IL6R: variants seen among roughly 807,000 people sequenced by gnomAD.
The protein encoded by IL6R is interleukin 6 receptor, also known as interleukin-6 receptor subunit alpha.
IL6R carries 38 observed loss-of-function variants against 48.3 expected under a neutral mutation model. That is an observed-to-expected ratio of 0.79 (90% CI 0.61 to 1.03). The LOEUF (loss-of-function observed/expected upper bound fraction) is 1.03. Ranked by LOEUF, IL6R falls within the 50% of genes least tolerant of loss-of-function variation. IL6R has a pLI of 0.00. For synonymous variants in IL6R, 264 were observed against 256.2 expected (o/e 1.03, Z -0.29); for missense variants, 534 against 618.3 (o/e 0.86, Z 1.45).
intron 6 of IL6R, among the ~76,000 whole-genome samples, chr1:154,438,248 C>T (rs1273134037): frequency 6.6e-6 from 1 of 151,094 alleles, no homozygotes; most frequent in East Asian, 1.9e-4. Flanking sequence ...GAGACATTAT[C>T]TATCAACACC....
chr1:154,424,279 C>T (rs564261936), intron 1 of IL6R, among the ~76,000 whole-genome samples: 103 of 152,318 alleles, frequency 6.8e-4, no homozygotes, highest in Non-Finnish European at 4.1e-4. Context: ...TGATGAGTGA[C>T]GACCAGGAGC....
rs1558323471 is a variant in IL6R at position 154,447,462 on chromosome 1, T to TAC, written c.950-662_950-661insCA. Among the ~76,000 whole-genome samples, 201 of 88,264 alleles carry TAC rather than the reference T, an allele frequency of 2.3e-3. 10 individuals carry two copies. Among genetic ancestry groups the TAC allele is most frequent in the African/African-American group, 0.012 (189 of 16,390 alleles). 57.9% of individuals were successfully genotyped at this position (88,264 alleles called of 152,430 possible). On this transcript the variant is annotated intron_variant, in intron 6 of 9. Coordinates refer to ENST00000368485, the MANE Select transcript of IL6R (RefSeq NM_000565.4). The stretch of plus-strand genomic sequence containing the variant: ...TCAAAAAAAAAAAAAAAAATATATA[T>TAC]ATATATATATATATACACACACACA...
chr1:154,456,454 G>A (rs567338403), intron 9 of IL6R, among the ~76,000 whole-genome samples: 4 of 152,166 alleles, frequency 2.6e-5, no homozygotes, highest in African/African-American at 7.2e-5. Flanking sequence ...TGATCCGCCC[G>A]CCTCCGCCTC....
At position 154,451,632 on chromosome 1, in the gene IL6R, C is replaced by T. The variant is rs544675163; in HGVS notation, c.1066+1652C>T. 7.2e-5 allele frequency among the ~76,000 whole-genome samples: 11 copies of T among 152,004 alleles called. No individual in the cohort carries two copies. The East Asian group carries it at 1.4e-3, about 19-fold the overall frequency. ...TTTTCTTTTTTTTGAGACGGAGTCTCGTCAAGCGATTCTCCTGCCTCAGCC... is the reference window on the plus strand; with the variant it reads ...TTTTCTTTTTTTTGAGACGGAGTCTTGTCAAGCGATTCTCCTGCCTCAGCC... On this transcript the variant is annotated intron_variant, in intron 8 of 9. Coordinates refer to ENST00000368485, the MANE Select transcript of IL6R (RefSeq NM_000565.4).
At chr1:154,442,583 C>G (rs970700594) in intron 6 of IL6R, among the ~76,000 whole-genome samples, 2 of 152,188 alleles carry the variant, frequency 1.3e-5, no homozygotes, top group Non-Finnish European at 2.9e-5. Context: ...GGGCCTGGCC[C>G]CCCGCACAGA....
At chr1:154,451,994 G>T (rs115564748) in intron 8 of IL6R, among the ~76,000 whole-genome samples, 2,487 of 152,174 alleles carry the variant, frequency 0.016, 65 homozygotes, top group African/African-American at 0.056. Context: ...TCCTCATCCT[G>T]TGTCCAGTCC....
chr1:154,429,120 G>C, intron 1 of IL6R, 76 bp from the exon 2 acceptor site: 1 of 1,505,040 alleles, frequency 6.6e-7, no homozygotes. Flanking sequence ...GAGGCCTCTC[G>C]TGGCTTCCTC....
chr1:154,413,855 C>T (rs181092302), intron 1 of IL6R, among the ~76,000 whole-genome samples: 4 of 137,258 alleles, frequency 2.9e-5, no homozygotes, highest in Non-Finnish European at 4.6e-5. Context: ...CTCTTTCTTT[C>T]TCAGGGTCTC....
At chr1:154,461,644 T>A (rs1397913133) in intron 9 of IL6R, among the ~76,000 whole-genome samples, 1 of 152,244 alleles carries the variant, frequency 6.6e-6, no homozygotes, top group Non-Finnish European at 1.5e-5. Flanking sequence ...TTGTTCATGA[T>A]CATCTCTGTA....
rs763297632 is a variant in IL6R at position 154,450,003 on chromosome 1, T to C, written c.1066+23T>C. On this transcript the variant is annotated intron_variant, in intron 8 of 9. Transcript: ENST00000368485. Reference sequence around the variant, plus strand: ...CAGGTAAGGACTGGGTATTTTCATATTCCCAGGGTCCGAGGGACAGAAGAT... The same window carrying C: ...CAGGTAAGGACTGGGTATTTTCATACTCCCAGGGTCCGAGGGACAGAAGAT... 3 of 1,474,498 alleles carry C rather than the reference T, an allele frequency of 2.0e-6. No homozygotes were observed. In the South Asian group the frequency reaches 3.4e-5, roughly 17 times the overall value. 91.3% of individuals were successfully genotyped at this position (1,474,498 alleles called of 1,614,324 possible).
chr1:154,415,060 G>A (rs981472614), intron 1 of IL6R: 17 of 1,472,054 alleles, frequency 1.2e-5, no homozygotes, highest in African/African-American at 2.8e-5. Flanking sequence ...ACTAGCTTGA[G>A]GCAGCCCAGC....
At chr1:154,410,351 A>G (rs138590939) in intron 1 of IL6R, among the ~76,000 whole-genome samples, 12 of 151,978 alleles carry the variant, frequency 7.9e-5, no homozygotes, top group African/African-American at 2.7e-4. Flanking sequence ...TCCTGGTCTC[A>G]GGTGATCCTC....
intron 3 of IL6R, among the ~76,000 whole-genome samples, chr1:154,431,605 C>G (rs1689300836): frequency 6.6e-6 from 1 of 152,288 alleles, no homozygotes; most frequent in South Asian, 2.1e-4. Context: ...TGTCTTATTA[C>G]TGTACTCACC....
intron 9 of IL6R, among the ~76,000 whole-genome samples, chr1:154,464,788 G>A (rs1691460616): frequency 6.6e-6 from 1 of 151,942 alleles, no homozygotes; most frequent in Non-Finnish European, 1.5e-5. Flanking sequence ...GCAAAACCCT[G>A]TCTCTATGAG....
chr1:154,414,555 G>A, intron 1 of IL6R: 1 of 747,712 alleles, frequency 1.3e-6, no homozygotes, highest in Admixed American at 2.0e-5. Context: ...AGGATCTGGT[G>A]GCCTCGGTAA....
At chr1:154,434,103 C>A (rs375805796) in intron 3 of IL6R, among the ~76,000 whole-genome samples, 1 of 151,732 alleles carries the variant, frequency 6.6e-6, no homozygotes, top group Admixed American at 6.6e-5. Flanking sequence ...GAGGCTGAGG[C>A]GGGCAGATCA....
At chr1:154,434,059 G>A (rs188180649) in intron 3 of IL6R, among the ~76,000 whole-genome samples, 2 of 151,966 alleles carry the variant, frequency 1.3e-5, no homozygotes, top group African/African-American at 2.4e-5. Flanking sequence ...CCAGCCACGT[G>A]TGATTGTTCA....
intron 5 of IL6R, among the ~76,000 whole-genome samples, 166 bp downstream of exon 5, chr1:154,435,322 C>T (rs780280491): frequency 2.6e-5 from 4 of 152,028 alleles, no homozygotes; most frequent in Non-Finnish European, 2.9e-5. Flanking sequence ...CCATCCTGGC[C>T]AACATGGTGA....
chr1:154,445,834 G>A (rs529453910), intron 6 of IL6R, among the ~76,000 whole-genome samples: 38 of 152,026 alleles, frequency 2.5e-4, no homozygotes, highest in Non-Finnish European at 4.6e-4. Flanking sequence ...GGCTCCAGAC[G>A]AAGCTGACTC....
Sources: allele counts gnomAD v4.1 joint callset (sites outside exome capture counted in the v4.1 genomes callset), GRCh38; gene constraint gnomAD v4.1.1; transcripts MANE v1.5; gene names NCBI Gene and HGNC (gene_info 2026-07-23, HGNC 2026-07-21).